DPH6: variants seen among roughly 807,000 people sequenced by gnomAD.
DPH6 encodes the protein diphthine--ammonia ligase.
A neutral mutation model predicts 38.2 loss-of-function variants in DPH6; 33 were observed. The observed-to-expected ratio is 0.86, with a 90% CI of 0.65 to 1.15. DPH6 has a LOEUF of 1.15. Ranked by LOEUF, DPH6 falls within the 50% of genes most tolerant of loss-of-function variation. The pLI is 0.00. For synonymous variants in DPH6, 108 were observed against 103.0 expected, an observed-to-expected ratio of 1.05 and a Z score of -0.30; for missense variants, 325 against 320.0, an observed-to-expected ratio of 1.02 and a Z score of -0.12.
chr15:35,157,833 T>A, the DPH6 span, among the ~76,000 whole-genome samples: 20 of 151,778 alleles, frequency 1.3e-4, no homozygotes, highest in Non-Finnish European at 2.8e-4. Flanking sequence ...CTTCTTAAAC[T>A]AAGAGCCTAG....
chr15:35,355,831 G>A (rs2052554893), intron 3 of DPH6, among the ~76,000 whole-genome samples: 1 of 152,168 alleles, frequency 6.6e-6, no homozygotes, highest in Non-Finnish European at 1.5e-5. Flanking sequence ...ATGTTGGCCT[G>A]CCTTGCTAGA....
Position 35,415,092 on chromosome 15 carries a change from G to T in DPH6, c.506-4196C>A, listed in dbSNP as rs567512956. On this transcript the variant is annotated intron_variant, in intron 5 of 8. Coordinates refer to ENST00000256538, the MANE Select transcript of DPH6 (RefSeq NM_080650.4). ...TGTCTTTTCATTTCTAGCTAACAGA[G>T]ATGTTTACAATGTTTTCCAGTACAA... is the stretch of plus-strand genomic sequence containing the variant. Among the ~76,000 whole-genome samples, 189 of 151,958 alleles carry T rather than the reference G, an allele frequency of 1.2e-3. 1 individual carries two copies. The highest frequency in any genetic ancestry group is 6.2e-4 in the Non-Finnish European group (42 of 67,860).
intron 3 of DPH6, chr15:35,299,181 G>A (rs894834890): frequency 4.4e-6 from 6 of 1,351,316 alleles, no homozygotes; most frequent in Non-Finnish European, 6.3e-6. Context: ...AACTTCCCCT[G>A]CAGAAAACCC....
downstream of DPH6, among the ~76,000 whole-genome samples, chr15:35,214,066 T>G (rs979550249): frequency 6.7e-6 from 1 of 149,916 alleles, no homozygotes; most frequent in Non-Finnish European, 1.5e-5. Context: ...GAGCTGAGAT[T>G]GCGCCACTGC....
At chr15:35,244,510 A>T (rs1392991011) in intron 3 of DPH6, among the ~76,000 whole-genome samples, 2 of 152,230 alleles carry the variant, frequency 1.3e-5, no homozygotes, top group African/African-American at 4.8e-5. Flanking sequence ...CACACAATTT[A>T]TTCATCCCAT....
intron 3 of DPH6, among the ~76,000 whole-genome samples, chr15:35,465,248 A>C (rs965670857): frequency 1.4e-4 from 21 of 152,068 alleles, no homozygotes; most frequent in African/African-American, 4.6e-4. Context: ...GCCTGTTGAG[A>C]AAAAAAATGA....
At chr15:35,182,540 A>C in the DPH6 span, among the ~76,000 whole-genome samples, 90 of 152,260 alleles carry the variant, frequency 5.9e-4, no homozygotes, top group Non-Finnish European at 2.9e-4. Context: ...CAAAATTTTC[A>C]TCCAGCTATG....
chr15:35,522,064 G>C, intron 3 of DPH6: 1 of 1,607,082 alleles, frequency 6.2e-7, no homozygotes, highest in Non-Finnish European at 8.5e-7. Flanking sequence ...ACAGGAAAAG[G>C]GTTGAGGGGA....
At chr15:35,248,791 A>G (rs1012590919) in intron 3 of DPH6, among the ~76,000 whole-genome samples, 4 of 152,244 alleles carry the variant, frequency 2.6e-5, no homozygotes, top group African/African-American at 9.6e-5. Flanking sequence ...ACAATCTGAC[A>G]TATTTAAATG....
chr15:35,404,593 G>C (rs1160949000), intron 6 of DPH6, among the ~76,000 whole-genome samples: 2 of 152,036 alleles, frequency 1.3e-5, no homozygotes, highest in African/African-American at 4.8e-5. Context: ...TTCCTATAGA[G>C]TTGTATAAGC....
At chr15:35,261,832 T>TA (rs34849713) in intron 3 of DPH6, among the ~76,000 whole-genome samples, 85,948 of 146,912 alleles carry the variant, frequency 0.59, 25,917 homozygotes, top group Non-Finnish European at 0.68. Context: ...GACCCTCTCT[T>TA]AAAAAAAAAA....
chr15:35,443,990 C>A (rs1017066929), intron 5 of DPH6, among the ~76,000 whole-genome samples: 1 of 152,276 alleles, frequency 6.6e-6, no homozygotes, highest in Admixed American at 6.5e-5. Context: ...AGTAATCAGG[C>A]AGCCTAACAA....
At chr15:35,441,767 A>T (rs540109667) in intron 5 of DPH6, among the ~76,000 whole-genome samples, 1 of 150,680 alleles carries the variant, frequency 6.6e-6, no homozygotes, top group Non-Finnish European at 1.5e-5. Flanking sequence ...TATTTAATAA[A>T]CCTGCATGTT....
chr15:35,378,808 T>C (rs7162627), intron 7 of DPH6, among the ~76,000 whole-genome samples: 147,351 of 150,378 alleles, frequency 0.98, 72,250 homozygotes, highest in East Asian at 1. Context: ...GGGAACATCA[T>C]GCACCAGGGC....
downstream of DPH6, among the ~76,000 whole-genome samples, chr15:35,366,246 G>A (rs1294975571): frequency 6.6e-6 from 1 of 151,410 alleles, no homozygotes; most frequent in African/African-American, 2.4e-5. Flanking sequence ...GTGTGTGTGT[G>A]TGTGTGTGTG....
At chr15:35,197,728 T>C in the DPH6 span, among the ~76,000 whole-genome samples, 4 of 152,230 alleles carry the variant, frequency 2.6e-5, no homozygotes, top group Non-Finnish European at 4.4e-5. Flanking sequence ...TTTCCTGAAC[T>C]ACTCTTGGGC....
chr15:35,225,531 G>A (rs1373161392), intron 3 of DPH6, among the ~76,000 whole-genome samples: 2 of 152,132 alleles, frequency 1.3e-5, no homozygotes, highest in East Asian at 3.9e-4. Context: ...GTTCAGGATG[G>A]CTTTCTGTCT....
the DPH6 span, among the ~76,000 whole-genome samples, chr15:35,199,069 G>A: frequency 2.1e-4 from 32 of 151,936 alleles, no homozygotes; most frequent in Non-Finnish European, 3.7e-4. Flanking sequence ...ACAGGCGCCC[G>A]CCACAATGCC....
intron 3 of DPH6, among the ~76,000 whole-genome samples, chr15:35,311,109 A>G (rs1176420436): frequency 1.3e-5 from 2 of 151,874 alleles, no homozygotes; most frequent in African/African-American, 4.8e-5. Context: ...AAACCAGATC[A>G]TAAGTTATAC....
Sources: gnomAD v4.1 joint callset for allele counts (sites outside exome capture counted in the v4.1 genomes callset) on GRCh38, gnomAD v4.1.1 for gene constraint, MANE v1.5 for transcripts, NCBI Gene and HGNC (gene_info 2026-07-23, HGNC 2026-07-21) for gene names.